Variants in SNAP91 observed in about 807,000 individuals in gnomAD.
SNAP91 encodes clathrin coat assembly protein AP180.
SNAP91 carries 27 observed loss-of-function variants against 100.3 expected under a neutral mutation model. That is an observed-to-expected ratio of 0.27 (90% CI 0.20 to 0.37). The LOEUF is 0.37. Ranked by LOEUF, SNAP91 falls within the 10% of genes least tolerant of loss-of-function variation. The pLI is 1.00. For missense variants in SNAP91, 986 were observed against 1,123.7 expected (o/e 0.88, Z 1.75); for synonymous variants, 404 against 398.6 (o/e 1.01, Z -0.16).
At chr6:83,585,747 T>G (rs1027993455) in intron 22 of SNAP91, among the ~76,000 whole-genome samples, 3 of 152,140 alleles carry the variant, frequency 2.0e-5, no homozygotes, top group Admixed American at 6.5e-5. Context: ...ACACTCTTAA[T>G]GAAGTTCTAT....
intron 7 of SNAP91, among the ~76,000 whole-genome samples, chr6:83,644,422 G>C (rs547970227): frequency 6.6e-6 from 1 of 152,036 alleles, no homozygotes; most frequent in Non-Finnish European, 1.5e-5. Flanking sequence ...CCAGTGCAGG[G>C]CCTAAAAAAA....
intron 8 of SNAP91, among the ~76,000 whole-genome samples, chr6:83,640,849 C>T (rs1459333384): frequency 6.6e-6 from 1 of 152,180 alleles, no homozygotes; most frequent in East Asian, 1.9e-4. Context: ...AGCTTATTAT[C>T]CATGAAACTT....
chr6:83,706,016 A>G (rs1356719493), intron 2 of SNAP91, among the ~76,000 whole-genome samples: 2 of 152,172 alleles, frequency 1.3e-5, no homozygotes, highest in Admixed American at 6.5e-5. Context: ...TATTTTCCAC[A>G]TCTTAGAAAT....
At chr6:83,587,225 T>C (rs1472896524) in intron 22 of SNAP91, among the ~76,000 whole-genome samples, 1 of 152,170 alleles carries the variant, frequency 6.6e-6, no homozygotes, top group Non-Finnish European at 1.5e-5. Flanking sequence ...TATTGCCTTA[T>C]CTTTATGATT....
At chr6:83,700,174 T>C in intron 2 of SNAP91, among the ~76,000 whole-genome samples, 1 of 152,192 alleles carries the variant, frequency 6.6e-6, no homozygotes, top group East Asian at 1.9e-4. Context: ...AAAAAAGAGA[T>C]ATTGATCAAC....
At chr6:83,642,814 A>C (rs1030867759) in intron 7 of SNAP91, among the ~76,000 whole-genome samples, 1 of 152,136 alleles carries the variant, frequency 6.6e-6, no homozygotes, top group Non-Finnish European at 1.5e-5. Flanking sequence ...CAACAGTGTA[A>C]AAGTGTTCCT....
chr6:83,702,880 T>G (rs1030173253), intron 2 of SNAP91, among the ~76,000 whole-genome samples: 7 of 152,118 alleles, frequency 4.6e-5, no homozygotes, highest in Non-Finnish European at 1.0e-4. Flanking sequence ...GCATGCTCCC[T>G]CCTATTACCT....
At chr6:83,610,706 A>AGG in intron 11 of SNAP91, 29 bp from the exon 12 acceptor site, 1 of 386,048 alleles carries the variant, frequency 2.6e-6, no homozygotes, top group Non-Finnish European at 4.8e-6. Context: ...AAAAATTAAA[A>AGG]CTGAATATAT....
intron 26 of SNAP91, among the ~76,000 whole-genome samples, chr6:83,565,595 C>A (rs1019893854): frequency 1.3e-5 from 2 of 152,058 alleles, no homozygotes; most frequent in Non-Finnish European, 2.9e-5. Flanking sequence ...ATGTTCACAG[C>A]CCCAGCCAGA....
intron 2 of SNAP91, among the ~76,000 whole-genome samples, chr6:83,699,165 G>T (rs1353058483): frequency 2.0e-5 from 3 of 152,064 alleles, no homozygotes; most frequent in Non-Finnish European, 4.4e-5. Flanking sequence ...TAGCCAACAT[G>T]ACCTCAGAGT....
chr6:83,640,908 T>G (rs2097670932), intron 8 of SNAP91, among the ~76,000 whole-genome samples, 188 bp downstream of exon 8: 2 of 152,112 alleles, frequency 1.3e-5, no homozygotes, highest in African/African-American at 2.4e-5. Flanking sequence ...GAGTACAGAG[T>G]ACAGCTCTGA....
At chr6:83,601,727 C>A (rs2095249801) in intron 14 of SNAP91, 128 bp from the exon 15 acceptor site, 1 of 814,394 alleles carries the variant, frequency 1.2e-6, no homozygotes. Context: ...GTCTTCTACA[C>A]CATTTGCAAT....
At chr6:83,668,976 T>G (rs2098736204) in intron 2 of SNAP91, among the ~76,000 whole-genome samples, 1 of 152,146 alleles carries the variant, frequency 6.6e-6, no homozygotes, top group African/African-American at 2.4e-5. Context: ...TTAGCCTACC[T>G]TAAATGTGCT....
chr6:83,558,478 G>C (rs1404039970), intron 28 of SNAP91, among the ~76,000 whole-genome samples: 2 of 152,218 alleles, frequency 1.3e-5, no homozygotes, highest in African/African-American at 4.8e-5. Context: ...GGCCATGAAG[G>C]CTAGGGTTTC....
intron 26 of SNAP91, among the ~76,000 whole-genome samples, chr6:83,572,451 A>G (rs1477973907): frequency 6.6e-6 from 1 of 152,004 alleles, no homozygotes; most frequent in Non-Finnish European, 1.5e-5. Context: ...GGGTTTCACC[A>G]TGTTGGCTAT....
At chr6:83,687,812 C>G (rs1347521253) in intron 2 of SNAP91, among the ~76,000 whole-genome samples, 1 of 152,088 alleles carries the variant, frequency 6.6e-6, no homozygotes, top group Admixed American at 6.6e-5. Context: ...ATTTTGTAGA[C>G]AGGTAGAGCC....
intron 14 of SNAP91, among the ~76,000 whole-genome samples, chr6:83,602,231 G>T (rs764450614): frequency 1.3e-5 from 2 of 152,014 alleles, no homozygotes; most frequent in African/African-American, 2.4e-5. Flanking sequence ...AATCTTACAT[G>T]CACAATTTAA....
chr6:83,707,234 A>G (rs2129081880), intron 2 of SNAP91, among the ~76,000 whole-genome samples: 1 of 152,114 alleles, frequency 6.6e-6, no homozygotes, highest in Non-Finnish European at 1.5e-5. Context: ...CCTTGAATTT[A>G]TTTCAGTTTG....
intron 1 of SNAP91, 107 bp from the exon 2 acceptor site, chr6:83,708,064 C>T: frequency 2.1e-6 from 2 of 965,824 alleles, no homozygotes; most frequent in Non-Finnish European, 2.9e-6. Context: ...CCTCCTCCAT[C>T]CCCACCCTGG....
Sources: gnomAD v4.1 joint callset for allele counts (sites outside exome capture counted in the v4.1 genomes callset) on GRCh38, gnomAD v4.1.1 for gene constraint, MANE v1.5 for transcripts, NCBI Gene and HGNC (gene_info 2026-07-23, HGNC 2026-07-21) for gene names.